The following RANBP17 variants were observed in gnomAD, a reference collection of about 807,000 sequenced individuals.
The protein encoded by RANBP17 is ran-binding protein 17.
Under a neutral mutation model 141.2 loss-of-function variants are expected in RANBP17, and 158 were observed. The observed-to-expected ratio is 1.12, with a 90% CI of 0.98 to 1.28. The LOEUF (loss-of-function observed/expected upper bound fraction) is 1.28. RANBP17 is among the 50% of genes most tolerant of loss of function. The pLI, the probability that RANBP17 is intolerant of heterozygous loss-of-function variation, is 0.00. For missense variants in RANBP17, 1,438 were observed against 1,290.7 expected, an observed-to-expected ratio of 1.11 and a Z score of -1.75; for synonymous variants, 430 against 450.0, an observed-to-expected ratio of 0.96 and a Z score of 0.56.
At chr5:171,070,727 C>A (rs1404161369) in intron 14 of RANBP17, among the ~76,000 whole-genome samples, 2 of 151,578 alleles carry the variant, frequency 1.3e-5, no homozygotes, top group Non-Finnish European at 2.9e-5. Context: ...GCCTTCCCCT[C>A]CTCTACACTT....
At chr5:171,017,958 A>G (rs1290031987) in intron 14 of RANBP17, among the ~76,000 whole-genome samples, 4 of 152,128 alleles carry the variant, frequency 2.6e-5, no homozygotes, top group African/African-American at 9.7e-5. Context: ...GTCCGATTTC[A>G]GTTTTCTGCA....
At chr5:170,992,711 A>T (rs1279173892) in intron 14 of RANBP17, among the ~76,000 whole-genome samples, 1 of 152,042 alleles carries the variant, frequency 6.6e-6, no homozygotes, top group African/African-American at 2.4e-5. Flanking sequence ...TGGAGGGTAT[A>T]GGAGAGTGGG....
At chr5:171,109,800 T>C (rs563160348) in intron 14 of RANBP17, among the ~76,000 whole-genome samples, 5 of 152,310 alleles carry the variant, frequency 3.3e-5, no homozygotes, top group African/African-American at 7.2e-5. Flanking sequence ...TCCAACTGTA[T>C]AGTGAGAAAT....
chr5:171,135,146 GGTTCACACCT>G (rs1757183698), intron 14 of RANBP17, among the ~76,000 whole-genome samples: 1 of 151,420 alleles, frequency 6.6e-6, no homozygotes, highest in Non-Finnish European at 1.5e-5. Context: ...CAGGCATGGT[GGTTCACACCT>G]GTAATCCCAG....
chr5:171,273,503 A>G (rs1278359783), intron 25 of RANBP17, among the ~76,000 whole-genome samples: 1 of 152,216 alleles, frequency 6.6e-6, no homozygotes, highest in Non-Finnish European at 1.5e-5. Flanking sequence ...CAGCCTCAGC[A>G]CACCTCCAGC....
chr5:171,134,902 A>T (rs1757164879), intron 14 of RANBP17, among the ~76,000 whole-genome samples: 1 of 152,104 alleles, frequency 6.6e-6, no homozygotes, highest in African/African-American at 2.4e-5. Flanking sequence ...AGCCAGGGTG[A>T]CGGGGTGAGA....
intron 1 of RANBP17, among the ~76,000 whole-genome samples, chr5:170,865,131 C>T (rs1457350979): frequency 2.0e-5 from 3 of 151,978 alleles, no homozygotes; most frequent in African/African-American, 4.8e-5. Flanking sequence ...GGTGGAATCT[C>T]GGCTAACTGC....
intron 13 of RANBP17, among the ~76,000 whole-genome samples, chr5:170,955,055 C>T (rs11749203): frequency 0.11 from 17,059 of 152,070 alleles, 1,277 homozygotes; most frequent in Non-Finnish European, 0.16. Context: ...ATGCTCCTTA[C>T]GGGAATCTAA....
At chr5:170,878,348 G>T (rs575312853) in intron 2 of RANBP17, 105 bp downstream of exon 2, 6 of 971,940 alleles carry the variant, frequency 6.2e-6, no homozygotes, top group Admixed American at 6.7e-5. Flanking sequence ...TTGCCACATG[G>T]TTTTTTTGTT....
intron 21 of RANBP17, among the ~76,000 whole-genome samples, chr5:171,220,689 C>G (rs1359765610): frequency 1.3e-5 from 2 of 152,036 alleles, no homozygotes; most frequent in African/African-American, 4.8e-5. Flanking sequence ...CTCAGGTGAT[C>G]CACCCATCTC....
At chr5:170,955,959 A>G (rs1775660513) in intron 13 of RANBP17, among the ~76,000 whole-genome samples, 1 of 150,328 alleles carries the variant, frequency 6.7e-6, no homozygotes, top group African/African-American at 2.4e-5. Context: ...TTTTTCCTTC[A>G]TATTTCTCTG....
At chr5:171,108,463 A>T (rs1755000321) in intron 14 of RANBP17, among the ~76,000 whole-genome samples, 1 of 152,136 alleles carries the variant, frequency 6.6e-6, no homozygotes, top group Non-Finnish European at 1.5e-5. Flanking sequence ...CCCAGGCTGG[A>T]GTGCAGTGGT....
chr5:170,878,128 A>C lies in RANBP17; in HGVS notation c.50A>C (p.His17Pro). The C allele has an allele frequency of 6.2e-7, 1 of 1,608,908 alleles. No homozygotes were observed. The highest frequency in any genetic ancestry group is 8.5e-7 in the Non-Finnish European group (1 of 1,177,682). The change falls in exon 2 of 28, where the codon CAT (histidine) becomes CCT (proline). Residue 17 changes from histidine (H) to proline (P), a missense_variant. Transcript: ENST00000523189. ...SLAELEVLCT[H>P]LYIGTDLTQR... ...GCTGAATTGGAAGTGTTATGTACTC[A>C]TCTCTACATAGGGACTGATCTTACA... is the stretch of plus-strand genomic sequence containing the variant.
intron 19 of RANBP17, 70 bp downstream of exon 19, chr5:171,199,843 C>A: frequency 2.3e-6 from 2 of 873,394 alleles, no homozygotes; most frequent in South Asian, 1.6e-5. Context: ...CAGAAAAGGG[C>A]TTTGCATATC....
intron 14 of RANBP17, among the ~76,000 whole-genome samples, chr5:171,079,880 G>A (rs1172881493): frequency 2.0e-5 from 3 of 152,046 alleles, no homozygotes; most frequent in South Asian, 2.1e-4. Context: ...AAGGTGTGTC[G>A]GTATTTGGGA....
chr5:171,261,096 A>G (rs1328876743), intron 24 of RANBP17, among the ~76,000 whole-genome samples: 1 of 142,844 alleles, frequency 7.0e-6, no homozygotes, highest in Admixed American at 7.2e-5. Flanking sequence ...CCCCCAAAAA[A>G]AAAAACCAAA....
intron 14 of RANBP17, among the ~76,000 whole-genome samples, chr5:171,034,697 A>T (rs1010762424): frequency 1.3e-5 from 2 of 152,246 alleles, no homozygotes; most frequent in African/African-American, 4.8e-5. Context: ...AGCCAGAAAT[A>T]ATAGTGAGAG....
intron 5 of RANBP17, among the ~76,000 whole-genome samples, chr5:170,904,860 C>G (rs1010608025): frequency 6.6e-6 from 1 of 152,012 alleles, no homozygotes; most frequent in Admixed American, 6.6e-5. Context: ...AAAGTAGGTA[C>G]TGGGAATAGA....
At chr5:171,279,469 T>G (rs1193243445) in intron 25 of RANBP17, among the ~76,000 whole-genome samples, 1 of 152,114 alleles carries the variant, frequency 6.6e-6, no homozygotes, top group Non-Finnish European at 1.5e-5. Flanking sequence ...GAGGCCAAAC[T>G]CAACCTTTTT....
Sources: gnomAD v4.1 joint callset for allele counts (sites outside exome capture counted in the v4.1 genomes callset) on GRCh38, gnomAD v4.1.1 for gene constraint, MANE v1.5 for transcripts, NCBI Gene and HGNC (gene_info 2026-07-23, HGNC 2026-07-21) for gene names.